Variants in CSMD1 observed in about 807,000 individuals in gnomAD.
The protein encoded by CSMD1 is CUB and Sushi multiple domains 1.
A neutral mutation model predicts 417.5 loss-of-function variants in CSMD1; 213 were observed. The ratio of observed to expected loss-of-function variants is 0.51; its 90% confidence interval spans 0.46 to 0.57. CSMD1 has a LOEUF of 0.57. CSMD1 is among the 20% of genes least tolerant of loss of function. The pLI is 0.00. For synonymous variants in CSMD1, 2,862 were observed against 1,736.8 expected (o/e 1.65, Z -16.11); for missense variants, 6,923 against 4,529.7 (o/e 1.53, Z -15.17).
intron 5 of CSMD1, chr8:3,949,941 T>A (rs542048780): frequency 8.8e-6 from 4 of 455,800 alleles, no homozygotes; most frequent in African/African-American, 2.0e-5. Flanking sequence ...AAAACACACA[T>A]GGAGAGGTTC....
intron 1 of CSMD1, among the ~76,000 whole-genome samples, chr8:4,792,560 C>T (rs1485509763): frequency 1.3e-5 from 2 of 152,276 alleles, no homozygotes; most frequent in Admixed American, 6.5e-5. Context: ...ATACACCACA[C>T]TCAACAGTTG....
At chr8:3,318,805 C>G (rs1421010615) in intron 23 of CSMD1, among the ~76,000 whole-genome samples, 1 of 152,198 alleles carries the variant, frequency 6.6e-6, no homozygotes, top group Non-Finnish European at 1.5e-5. Flanking sequence ...CACACACAGA[C>G]AGCCACACAC....
chr8:4,309,139 C>T (rs887891403), intron 3 of CSMD1, among the ~76,000 whole-genome samples: 4 of 152,128 alleles, frequency 2.6e-5, no homozygotes, highest in Non-Finnish European at 4.4e-5. Context: ...ACTTTGCACA[C>T]ACAGGCCAAT....
intron 1 of CSMD1, among the ~76,000 whole-genome samples, chr8:4,758,792 A>T (rs902057347): frequency 6.6e-6 from 1 of 152,168 alleles, no homozygotes; most frequent in African/African-American, 2.4e-5. Flanking sequence ...TGAGAACAGC[A>T]TGGGAGAACC....
intron 12 of CSMD1, among the ~76,000 whole-genome samples, chr8:3,467,112 T>C (rs531411971): frequency 6.6e-6 from 1 of 152,258 alleles, no homozygotes; most frequent in East Asian, 1.9e-4. Flanking sequence ...TAGGGTAAAA[T>C]GTAATTATAA....
At chr8:4,953,089 G>T (rs1337686579) in intron 1 of CSMD1, among the ~76,000 whole-genome samples, 2 of 151,994 alleles carry the variant, frequency 1.3e-5, no homozygotes, top group East Asian at 1.9e-4. Flanking sequence ...GTCCTTAAAA[G>T]AAATATATAT....
chr8:3,063,064 C>T (rs1169897021), intron 49 of CSMD1, among the ~76,000 whole-genome samples: 1 of 152,050 alleles, frequency 6.6e-6, no homozygotes, highest in African/African-American at 2.4e-5. Flanking sequence ...TCCTATGGAA[C>T]CCAAGAGTCC....
At chr8:4,441,278 T>G (rs192607598) in intron 2 of CSMD1, among the ~76,000 whole-genome samples, 17 of 143,490 alleles carry the variant, frequency 1.2e-4, no homozygotes, top group South Asian at 2.3e-4. Flanking sequence ...TTTTTTTTTT[T>G]TTTTGGTGGG....
chr8:3,404,757 T>C (rs980434875), intron 15 of CSMD1, among the ~76,000 whole-genome samples: 1 of 149,678 alleles, frequency 6.7e-6, no homozygotes, highest in Non-Finnish European at 1.5e-5. Flanking sequence ...GAGATATGTA[T>C]GTATTTATGA....
intron 21 of CSMD1, among the ~76,000 whole-genome samples, chr8:3,349,904 TTATA>T (rs1000554754): frequency 1.1e-5 from 1 of 92,362 alleles, no homozygotes; most frequent in Admixed American, 1.5e-4. Flanking sequence ...TAATATATAT[TTATA>T]TATATTTATA....
chr8:3,909,015 T>C (rs920441249), intron 5 of CSMD1, among the ~76,000 whole-genome samples: 4 of 152,226 alleles, frequency 2.6e-5, no homozygotes, highest in African/African-American at 9.6e-5. Flanking sequence ...TGTAGGAGGC[T>C]TGCCTTTCTT....
At chr8:4,212,174 T>TTATATA (rs10682206) in intron 3 of CSMD1, among the ~76,000 whole-genome samples, 230 of 145,750 alleles carry the variant, frequency 1.6e-3, no homozygotes, top group Middle Eastern at 0.014. Flanking sequence ...ACTTCCCTAT[T>TTATATA]TATATATATA....
chr8:4,739,452 T>A, intron 1 of CSMD1, among the ~76,000 whole-genome samples: 1 of 152,230 alleles, frequency 6.6e-6, no homozygotes, highest in East Asian at 1.9e-4. Flanking sequence ...AAAGGTCATG[T>A]GAATATTATC....
intron 2 of CSMD1, among the ~76,000 whole-genome samples, chr8:4,614,301 C>T (rs942735286): frequency 5.3e-5 from 8 of 152,142 alleles, no homozygotes; most frequent in Non-Finnish European, 1.0e-4. Flanking sequence ...GACACAAAGG[C>T]CAAAACTCTG....
At chr8:4,149,395 G>A (rs138193556) in intron 3 of CSMD1, among the ~76,000 whole-genome samples, 25 of 152,224 alleles carry the variant, frequency 1.6e-4, no homozygotes, top group Non-Finnish European at 8.8e-5. Context: ...TATCTTAGGT[G>A]GTAACTGCCA....
intron 69 of CSMD1, 31 bp downstream of exon 69, chr8:2,942,441 C>A: frequency 3.8e-6 from 6 of 1,594,488 alleles, no homozygotes; most frequent in Non-Finnish European, 5.1e-6. Flanking sequence ...ACACTCACAA[C>A]ATTCTCAAAC....
At chr8:3,550,109 A>T (rs1238998649) in intron 10 of CSMD1, among the ~76,000 whole-genome samples, 2 of 152,194 alleles carry the variant, frequency 1.3e-5, no homozygotes, top group African/African-American at 2.4e-5. Context: ...GAGCCGATAA[A>T]AAAGTGTCCC....
chr8:4,349,246 A>G (rs946278179), intron 3 of CSMD1, among the ~76,000 whole-genome samples: 1 of 152,202 alleles, frequency 6.6e-6, no homozygotes, highest in African/African-American at 2.4e-5. Flanking sequence ...GTCTTGTGGT[A>G]TTTGGTACAG....
At chr8:4,730,184 G>A (rs1654700989) in intron 1 of CSMD1, among the ~76,000 whole-genome samples, 1 of 151,920 alleles carries the variant, frequency 6.6e-6, no homozygotes, top group African/African-American at 2.4e-5. Flanking sequence ...GAAAAAGAAA[G>A]GGATGGAAAA....
Sources: gnomAD v4.1 joint callset for allele counts (sites outside exome capture counted in the v4.1 genomes callset) on GRCh38, gnomAD v4.1.1 for gene constraint, MANE v1.5 for transcripts, NCBI Gene and HGNC (gene_info 2026-07-23, HGNC 2026-07-21) for gene names.